TTC29: variants seen among roughly 807,000 people sequenced by gnomAD.
The protein encoded by TTC29 is tetratricopeptide repeat domain 29, also known as tetratricopeptide repeat protein 29.
Under a neutral mutation model 58.1 loss-of-function variants are expected in TTC29, and 49 were observed. The observed-to-expected ratio is 0.84, with a 90% confidence interval of 0.67 to 1.07. The LOEUF (loss-of-function observed/expected upper bound fraction) is 1.07, where lower values mean the gene tolerates loss of function less well. Among genes scored for constraint, TTC29 ranks in the 50% least tolerant of loss-of-function variants. TTC29 has a pLI of 0.00. For missense variants in TTC29, 582 were observed against 555.6 expected (o/e 1.05, Z -0.48); for synonymous variants, 209 against 196.8 (o/e 1.06, Z -0.52).
intron 8 of TTC29, among the ~76,000 whole-genome samples, chr4:146,835,921 G>A (rs772372178): frequency 1.5e-4 from 23 of 152,184 alleles, no homozygotes; most frequent in Non-Finnish European, 1.8e-4. Flanking sequence ...CCTGGGAGCA[G>A]AGGGGCAAAA....
intron 11 of TTC29, among the ~76,000 whole-genome samples, chr4:146,789,708 A>G (rs1325380549): frequency 6.6e-6 from 1 of 152,202 alleles, no homozygotes; most frequent in East Asian, 1.9e-4. Flanking sequence ...CTTCACACAT[A>G]GTAAGTTCTG....
At chr4:146,827,836 T>C (rs1389077928) in intron 9 of TTC29, among the ~76,000 whole-genome samples, 1 of 152,212 alleles carries the variant, frequency 6.6e-6, no homozygotes, top group African/African-American at 2.4e-5. Flanking sequence ...AAATTCAATT[T>C]AGCTAAGCAA....
At chr4:146,830,880 A>C (rs1728110850) in intron 9 of TTC29, among the ~76,000 whole-genome samples, 1 of 152,202 alleles carries the variant, frequency 6.6e-6, no homozygotes, top group African/African-American at 2.4e-5. Flanking sequence ...ACATCAAAGC[A>C]TTTATACTAT....
chr4:146,838,454 T>C (rs1490271453), intron 8 of TTC29, among the ~76,000 whole-genome samples: 5 of 152,036 alleles, frequency 3.3e-5, no homozygotes, highest in Non-Finnish European at 5.9e-5. Flanking sequence ...ATATCCTTGC[T>C]TTTTCAGAAG....
intron 4 of TTC29, among the ~76,000 whole-genome samples, chr4:146,930,993 A>G (rs1326706363): frequency 2.6e-5 from 4 of 152,172 alleles, no homozygotes; most frequent in Non-Finnish European, 2.9e-5. Context: ...TGTATTTCTA[A>G]AACTGCGAGT....
chr4:146,731,662 C>T (rs568525221), intron 11 of TTC29, among the ~76,000 whole-genome samples: 15 of 152,094 alleles, frequency 9.9e-5, no homozygotes, highest in African/African-American at 3.1e-4. Context: ...AAGTCTGGGT[C>T]CCAGAGAAAA....
chr4:146,738,082 G>A (rs146689912), intron 11 of TTC29, among the ~76,000 whole-genome samples: 49 of 152,288 alleles, frequency 3.2e-4, no homozygotes, highest in East Asian at 3.1e-3. Context: ...TAACTCTACC[G>A]TCTATGAATG....
At chr4:146,923,821 A>T (rs1346935717) in intron 4 of TTC29, among the ~76,000 whole-genome samples, 1 of 151,898 alleles carries the variant, frequency 6.6e-6, no homozygotes, top group Non-Finnish European at 1.5e-5. Context: ...TACAAGAAAA[A>T]CTTTCTCATT....
At chr4:146,718,263 A>G (rs1469310594) in intron 11 of TTC29, among the ~76,000 whole-genome samples, 1 of 152,092 alleles carries the variant, frequency 6.6e-6, no homozygotes, top group Non-Finnish European at 1.5e-5. Context: ...TCATATGGTA[A>G]TTTTATTTTT....
intron 5 of TTC29, among the ~76,000 whole-genome samples, chr4:146,905,412 G>T (rs1459499959): frequency 6.7e-6 from 1 of 148,372 alleles, no homozygotes; most frequent in African/African-American, 2.5e-5. Flanking sequence ...AAAAATATTT[G>T]CAACATTTCA....
rs1554002735 is a variant in TTC29 at position 146,708,341 on chromosome 4, T to TGTATATATATATATATATATATAC, written c.1331-791_1331-790insGTATATATATATATATATATATAC. Reference sequence around the variant, plus strand: ...ATATATATATATATATATATATATATATATATATATATATACACATGTATG... The same window carrying TGTATATATATATATATATATATAC: ...ATATATATATATATATATATATATATGTATATATATATATATATATATACATATATATATATATACACATGTATG... On this transcript the variant is annotated intron_variant, in intron 11 of 12. Transcript: ENST00000325106. Among the ~76,000 whole-genome samples the TGTATATATATATATATATATATAC allele has an allele frequency of 2.5e-3, 157 of 62,844 alleles. 8 individuals carry two copies. The East Asian group carries it at 0.084, about 34-fold the overall frequency. 41.2% of individuals were successfully genotyped at this position (62,844 alleles called of 152,430 possible).
chr4:146,820,702 T>G (rs1363476885), intron 9 of TTC29, among the ~76,000 whole-genome samples: 2 of 152,162 alleles, frequency 1.3e-5, no homozygotes, highest in East Asian at 3.9e-4. Context: ...ACAAAATGTG[T>G]TGTATACCTA....
At chr4:146,817,038 C>T (rs1208298445) in intron 10 of TTC29, among the ~76,000 whole-genome samples, 9 of 152,276 alleles carry the variant, frequency 5.9e-5, no homozygotes, top group African/African-American at 2.2e-4. Flanking sequence ...GGGATGCCCT[C>T]TCTCACCACT....
In TTC29 at chr4:146,826,971, T is replaced by C. The variant is rs145195946; in HGVS notation, c.978-6723A>G. Reference sequence around the variant, plus strand: ...CCATCAGGTCGTTTATGTTCCTCTCTAAACTGGTTATTCTAGTTAGGAATT... The same window carrying C: ...CCATCAGGTCGTTTATGTTCCTCTCCAAACTGGTTATTCTAGTTAGGAATT... On this transcript the variant is annotated intron_variant, in intron 9 of 12. Coordinates refer to ENST00000325106, the MANE Select transcript of TTC29 (RefSeq NM_031956.4). Among the ~76,000 whole-genome samples the C allele has an allele frequency of 2.6e-5, 4 of 152,014 alleles. No individual in the cohort carries two copies. In the East Asian group the frequency reaches 7.8e-4, roughly 30 times the overall value.
At chr4:146,938,369 G>T (rs1736043876) in intron 3 of TTC29, among the ~76,000 whole-genome samples, 1 of 151,750 alleles carries the variant, frequency 6.6e-6, no homozygotes, top group Admixed American at 6.6e-5. Context: ...GCCTTTTGTG[G>T]GTATGATAAA....
chr4:146,918,249 T>C (rs1475345302), intron 4 of TTC29, among the ~76,000 whole-genome samples: 1 of 151,022 alleles, frequency 6.6e-6, no homozygotes, highest in Non-Finnish European at 1.5e-5. Flanking sequence ...AAAACTAACC[T>C]AAGTTCAACC....
At chr4:146,866,260 T>C (rs983049553) in intron 8 of TTC29, among the ~76,000 whole-genome samples, 11 of 152,184 alleles carry the variant, frequency 7.2e-5, no homozygotes, top group Middle Eastern at 3.2e-3. Context: ...ATTTTCCAAT[T>C]TGACCTACAA....
intron 7 of TTC29, among the ~76,000 whole-genome samples, chr4:146,869,124 T>C (rs1730766292): frequency 6.6e-6 from 1 of 151,034 alleles, no homozygotes; most frequent in South Asian, 2.1e-4. Flanking sequence ...AAAAAACCTC[T>C]TTTCTTTATA....
intron 10 of TTC29, among the ~76,000 whole-genome samples, chr4:146,807,197 A>G (rs1750676934): frequency 6.6e-6 from 1 of 152,254 alleles, no homozygotes; most frequent in Admixed American, 6.5e-5. Context: ...CAATGAGAAC[A>G]AAGACACAAT....
Sources: allele counts gnomAD v4.1 joint callset (sites outside exome capture counted in the v4.1 genomes callset), GRCh38; gene constraint gnomAD v4.1.1; transcripts MANE v1.5; gene names NCBI Gene and HGNC (gene_info 2026-07-23, HGNC 2026-07-21).